The following CNTN4 variants were observed in gnomAD, a reference collection of about 807,000 sequenced individuals.
CNTN4 encodes the protein contactin-4.
CNTN4 carries 77 observed loss-of-function variants against 122.5 expected under a neutral mutation model. That is an observed-to-expected ratio of 0.63 (90% CI 0.52 to 0.76). CNTN4 has a LOEUF of 0.76. Ranked by LOEUF, CNTN4 falls within the 30% of genes least tolerant of loss-of-function variation. The probability of loss-of-function intolerance (pLI) is 0.00; values close to 1 mark genes in which losing one functional copy is unlikely to be tolerated. For missense variants in CNTN4, 1,256 were observed against 1,259.1 expected (o/e 1.00, Z 0.04); for synonymous variants, 512 against 447.0 (o/e 1.15, Z -1.83).
chr3:2,530,954 G>A (rs1040072204), intron 3 of CNTN4, among the ~76,000 whole-genome samples: 1 of 152,068 alleles, frequency 6.6e-6, no homozygotes, highest in Non-Finnish European at 1.5e-5. Context: ...CTCTTACCTT[G>A]TTTATTCAGT....
At chr3:2,882,861 TCC>T in intron 8 of CNTN4, 3 of 348,678 alleles carry the variant, frequency 8.6e-6, no homozygotes, top group Non-Finnish European at 1.1e-5. Context: ...CTCCTTTTTT[TCC>T]TTAAGACTAC....
At chr3:2,781,408 A>G (rs1221410903) in intron 6 of CNTN4, among the ~76,000 whole-genome samples, 1 of 152,060 alleles carries the variant, frequency 6.6e-6, no homozygotes, top group Non-Finnish European at 1.5e-5. Context: ...CTGTATGCTA[A>G]GGATATATGC....
intron 7 of CNTN4, among the ~76,000 whole-genome samples, chr3:2,839,137 G>A (rs1157481219): frequency 1.3e-5 from 2 of 152,126 alleles, no homozygotes. Flanking sequence ...TAATTGTTAT[G>A]TCAAAACCTT....
intron 2 of CNTN4, among the ~76,000 whole-genome samples, chr3:2,253,232 A>G (rs1271156529): frequency 1.3e-5 from 2 of 152,118 alleles, no homozygotes; most frequent in East Asian, 3.9e-4. Context: ...ATTTGTCAGC[A>G]TTTTACAAAG....
At chr3:2,771,553 G>T (rs1008328679) in intron 6 of CNTN4, among the ~76,000 whole-genome samples, 5 of 152,120 alleles carry the variant, frequency 3.3e-5, no homozygotes, top group African/African-American at 1.2e-4. Flanking sequence ...GATGATGTGA[G>T]TATCAATGGC....
intron 9 of CNTN4, 113 bp downstream of exon 9, chr3:2,883,360 C>T (rs138191607): frequency 1.0e-5 from 8 of 774,904 alleles, no homozygotes; most frequent in Non-Finnish European, 1.8e-5. Flanking sequence ...GCAAGTGAAG[C>T]CTTTCTCTTT....
At chr3:2,335,650 C>T (rs2043926949) in intron 2 of CNTN4, among the ~76,000 whole-genome samples, 1 of 149,278 alleles carries the variant, frequency 6.7e-6, no homozygotes, top group East Asian at 2.0e-4. Flanking sequence ...CTTGAATCAT[C>T]TCTGTTCATG....
chr3:2,717,661 C>A (rs553018874), intron 4 of CNTN4, among the ~76,000 whole-genome samples: 2 of 152,314 alleles, frequency 1.3e-5, no homozygotes, highest in South Asian at 4.1e-4. Context: ...ACTCCTAACA[C>A]AAGTATATAC....
intron 3 of CNTN4, among the ~76,000 whole-genome samples, chr3:2,554,622 A>T (rs2078646500): frequency 6.6e-6 from 1 of 152,182 alleles, no homozygotes; most frequent in African/African-American, 2.4e-5. Context: ...TTTTTATTTT[A>T]TAGGCGATAT....
intron 14 of CNTN4, among the ~76,000 whole-genome samples, chr3:2,993,547 G>A (rs936563777): frequency 4.6e-5 from 7 of 151,326 alleles, no homozygotes; most frequent in African/African-American, 9.7e-5. Flanking sequence ...TGATCTGCCC[G>A]CCTCGGCCTC....
At chr3:2,925,480 G>A in intron 12 of CNTN4, 149 bp from the exon 13 acceptor site, 1 of 716,080 alleles carries the variant, frequency 1.4e-6, no homozygotes, top group Non-Finnish European at 2.3e-6. Flanking sequence ...TTGAACCCGG[G>A]AGGCGGAGGT....
rs778039749 is a variant in CNTN4 at position 2,358,733 on chromosome 3, G to T, written c.-89+19500G>T. Among the ~76,000 whole-genome samples, 32 of 152,094 alleles carry T rather than the reference G, an allele frequency of 2.1e-4. No homozygotes were observed. In the Middle Eastern group the frequency reaches 0.01, roughly 48 times the overall value. ...TCATTTTTCATCATGCAGCTAAAACGGTATTATTAATGTCAATTTATTGGT... is the reference window on the plus strand; with the variant it reads ...TCATTTTTCATCATGCAGCTAAAACTGTATTATTAATGTCAATTTATTGGT... On this transcript the variant is annotated intron_variant, in intron 3 of 24. Transcript: ENST00000418658.
intron 4 of CNTN4, among the ~76,000 whole-genome samples, chr3:2,592,676 C>T (rs536797160): frequency 2.0e-4 from 30 of 152,304 alleles, no homozygotes; most frequent in East Asian, 3.9e-4. Context: ...TCCCCAGACA[C>T]GTAGAACTGT....
chr3:2,863,816 C>T (rs73003238), intron 7 of CNTN4, among the ~76,000 whole-genome samples: 19,238 of 151,978 alleles, frequency 0.13, 1,328 homozygotes, highest in Admixed American at 0.18. Context: ...GTTGAAACTC[C>T]GTTTTACTTT....
At chr3:2,316,135 A>G (rs994283072) in intron 2 of CNTN4, among the ~76,000 whole-genome samples, 3 of 152,120 alleles carry the variant, frequency 2.0e-5, no homozygotes, top group African/African-American at 7.2e-5. Context: ...CTATTTTTAT[A>G]TCATAATCTC....
At chr3:3,002,160 T>C (rs1421223182) in intron 14 of CNTN4, among the ~76,000 whole-genome samples, 2 of 152,130 alleles carry the variant, frequency 1.3e-5, no homozygotes, top group Admixed American at 6.5e-5. Context: ...GAAACAACCA[T>C]AAAGCCGTTT....
intron 2 of CNTN4, among the ~76,000 whole-genome samples, chr3:2,158,875 C>A (rs2035835299): frequency 1.3e-5 from 2 of 152,094 alleles, no homozygotes; most frequent in African/African-American, 4.8e-5. Flanking sequence ...AAATCTCCAG[C>A]TTTAAAAATG....
chr3:2,610,870 G>T (rs1418574809), intron 4 of CNTN4, among the ~76,000 whole-genome samples: 1 of 152,108 alleles, frequency 6.6e-6, no homozygotes, highest in Non-Finnish European at 1.5e-5. Flanking sequence ...AGTAACTTGG[G>T]AGAAATATTT....
intron 3 of CNTN4, among the ~76,000 whole-genome samples, chr3:2,384,761 C>CGTGTGTGTGT (rs67019083): frequency 4.1e-5 from 6 of 147,808 alleles, no homozygotes; most frequent in African/African-American, 1.5e-4. Context: ...TCAATGTGTG[C>CGTGTGTGTGT]GTGTGTGTGT....
Sources: allele counts gnomAD v4.1 joint callset (sites outside exome capture counted in the v4.1 genomes callset), GRCh38; gene constraint gnomAD v4.1.1; transcripts MANE v1.5; gene names NCBI Gene and HGNC (gene_info 2026-07-23, HGNC 2026-07-21).